Variants in RMDN2 observed in about 807,000 individuals in gnomAD.
RMDN2 encodes regulator of microtubule dynamics protein 2.
RMDN2 carries 61 observed loss-of-function variants against 52.8 expected under a neutral mutation model. The ratio of observed to expected loss-of-function variants is 1.16; its 90% confidence interval spans 0.94 to 1.43. The LOEUF (loss-of-function observed/expected upper bound fraction) is 1.43. Ranked by LOEUF, RMDN2 falls within the 40% of genes most tolerant of loss-of-function variation. RMDN2 has a pLI of 0.00. For synonymous variants in RMDN2, 180 were observed against 153.1 expected, an observed-to-expected ratio of 1.18 and a Z score of -1.30; for missense variants, 592 against 475.3, an observed-to-expected ratio of 1.25 and a Z score of -2.28.
At chr2:38,037,033 A>G (rs1680632308) in intron 10 of RMDN2, among the ~76,000 whole-genome samples, 2 of 152,168 alleles carry the variant, frequency 1.3e-5, no homozygotes, top group African/African-American at 4.8e-5. Context: ...TTTCCTAGAA[A>G]TTTTGGCTTC....
chr2:38,022,746 A>G (rs1430680609), intron 10 of RMDN2, among the ~76,000 whole-genome samples: 2 of 152,216 alleles, frequency 1.3e-5, no homozygotes, highest in Non-Finnish European at 2.9e-5. Context: ...ATTTGTGCCT[A>G]AAAGTTATCA....
intron 10 of RMDN2, among the ~76,000 whole-genome samples, chr2:38,049,008 T>C (rs1159156445): frequency 1.3e-5 from 2 of 152,254 alleles, no homozygotes; most frequent in East Asian, 3.8e-4. Context: ...AAATTAAACT[T>C]AGCCAATGCT....
chr2:37,948,185 C>T (rs944587845), intron 2 of RMDN2, among the ~76,000 whole-genome samples: 3 of 152,142 alleles, frequency 2.0e-5, no homozygotes, highest in East Asian at 1.9e-4. Flanking sequence ...CCGGACCTAG[C>T]GAATCAGAAT....
chr2:37,988,479 A>G (rs1674335728), intron 5 of RMDN2, among the ~76,000 whole-genome samples: 1 of 152,208 alleles, frequency 6.6e-6, no homozygotes, highest in Non-Finnish European at 1.5e-5. Context: ...CAAAAAGGTC[A>G]TAACTGAAAA....
chr2:37,997,359 A>T, intron 7 of RMDN2, 57 bp from the exon 8 acceptor site: 1 of 1,034,780 alleles, frequency 9.7e-7, no homozygotes, highest in Non-Finnish European at 1.5e-6. Context: ...CTGGGGAGAG[A>T]TAATCCATTC....
intron 10 of RMDN2, among the ~76,000 whole-genome samples, chr2:38,041,825 T>G (rs148934817): frequency 1.3e-5 from 2 of 152,068 alleles, no homozygotes. Context: ...ATGGTTGTAG[T>G]TTTTTTTATA....
chr2:38,006,850 A>G (rs1031001646), intron 10 of RMDN2, among the ~76,000 whole-genome samples: 1 of 152,144 alleles, frequency 6.6e-6, no homozygotes, highest in African/African-American at 2.4e-5. Flanking sequence ...TTTGTCATAG[A>G]TAGCTCTTAT....
At chr2:38,024,158 A>G (rs1172369994) in intron 10 of RMDN2, among the ~76,000 whole-genome samples, 1 of 152,170 alleles carries the variant, frequency 6.6e-6, no homozygotes, top group African/African-American at 2.4e-5. Context: ...TATAACAGAA[A>G]TATACCATAG....
chr2:38,030,296 A>G (rs1366125384), intron 10 of RMDN2: 2 of 152,202 alleles, frequency 1.3e-5, no homozygotes, highest in Non-Finnish European at 2.9e-5. Flanking sequence ...TATGAAGGTT[A>G]ATCATTGTAT....
At chr2:37,991,169 C>G in intron 6 of RMDN2, 51 bp from the exon 7 acceptor site, 2 of 1,067,468 alleles carry the variant, frequency 1.9e-6, no homozygotes, top group Non-Finnish European at 2.8e-6. Context: ...TAGTTCCAGT[C>G]AACAATATCT....
rs1678944733 is a variant in RMDN2, at chr2:38,017,334, G to C, written c.*95G>C. 1.5e-5 allele frequency: 21 copies of C among 1,434,850 alleles called. No homozygotes were observed. The South Asian group carries it at 3.0e-4, about 21-fold the overall frequency. The allele number at this position is 1,434,850 out of a possible 1,614,324, so 88.9% of individuals were successfully genotyped here. On this transcript the variant is annotated 3_prime_UTR_variant, in exon 11 of 11. Transcript: ENST00000354545. ...TTATTATCCTTCATTTTTGATGTAA[G>C]GGTATTGTGCTTAGATTTGAAGGTA...
At chr2:37,967,569 A>G (rs1033895976) in intron 2 of RMDN2, among the ~76,000 whole-genome samples, 1 of 152,262 alleles carries the variant, frequency 6.6e-6, no homozygotes, top group Non-Finnish European at 1.5e-5. Flanking sequence ...TAGAAGACCA[A>G]AGAATGATGA....
At chr2:38,022,360 C>T (rs1679449882), downstream of RMDN2, among the ~76,000 whole-genome samples, 1 of 152,218 alleles carries the variant, frequency 6.6e-6, no homozygotes, top group African/African-American at 2.4e-5. Flanking sequence ...GGTTACTTCA[C>T]TCACCACTCA....
chr2:37,942,229 C>T lies in RMDN2; in HGVS notation c.452+12500C>T, dbSNP rs148149337. ...GCTTCACCTCACCCTCCATAGGCTGCACCCACTGTCTAACCTGTCCCAATG... is the reference window on the plus strand; with the variant it reads ...GCTTCACCTCACCCTCCATAGGCTGTACCCACTGTCTAACCTGTCCCAATG... On this transcript the variant is annotated intron_variant, in intron 2 of 10. Coordinates refer to ENST00000354545, the MANE Select transcript of RMDN2 (RefSeq NM_001170791.3). 6.0e-3 allele frequency among the ~76,000 whole-genome samples: 908 copies of T among 152,302 alleles called. 11 individuals carry two copies. The highest frequency in any genetic ancestry group is 0.02 in the African/African-American group (848 of 41,552).
chr2:37,981,412 C>CA, intron 5 of RMDN2, 69 bp downstream of exon 5: 1 of 1,019,732 alleles, frequency 9.8e-7, no homozygotes, highest in Non-Finnish European at 1.5e-6. Context: ...ATGGATTTTT[C>CA]AAAATACTAT....
At chr2:38,012,181 C>G (rs111306346) in intron 10 of RMDN2, among the ~76,000 whole-genome samples, 19,722 of 152,200 alleles carry the variant, frequency 0.13, 1,494 homozygotes, top group Non-Finnish European at 0.17. Context: ...CCTACCCACC[C>G]TCTGCTCCTT....
chr2:38,013,788 G>A (rs1239074129), intron 10 of RMDN2, among the ~76,000 whole-genome samples: 1 of 152,184 alleles, frequency 6.6e-6, no homozygotes, highest in Non-Finnish European at 1.5e-5. Flanking sequence ...TCAAAATCCT[G>A]TAATGTTGTC....
chr2:37,925,652 G>C (rs1185865904), intron 1 of RMDN2, among the ~76,000 whole-genome samples: 1 of 152,236 alleles, frequency 6.6e-6, no homozygotes, highest in South Asian at 2.1e-4. Flanking sequence ...CCTGCGCCAC[G>C]GAAGCCCTAG....
intron 10 of RMDN2, among the ~76,000 whole-genome samples, chr2:38,013,998 G>C (rs1375251994): frequency 6.6e-6 from 1 of 152,112 alleles, no homozygotes; most frequent in Non-Finnish European, 1.5e-5. Context: ...CCTGAGGTCG[G>C]GAGTTCGAGA....
Sources: allele counts gnomAD v4.1 joint callset (sites outside exome capture counted in the v4.1 genomes callset), GRCh38; gene constraint gnomAD v4.1.1; transcripts MANE v1.5; gene names NCBI Gene and HGNC (gene_info 2026-07-23, HGNC 2026-07-21).